The following SDK2 variants were observed in gnomAD, a reference collection of about 807,000 sequenced individuals.
SDK2 encodes sidekick cell adhesion molecule 2, also known as protein sidekick-2.
In SDK2, 105 loss-of-function variants were observed where a neutral mutation model predicts 253.9. The observed-to-expected ratio is 0.41, with a 90% confidence interval of 0.35 to 0.49. The LOEUF (loss-of-function observed/expected upper bound fraction) is 0.49, where lower values mean the gene tolerates loss of function less well. SDK2 is among the 20% of genes least tolerant of loss of function. The probability of loss-of-function intolerance (pLI) is 0.06; values close to 1 mark genes in which losing one functional copy is unlikely to be tolerated. For synonymous variants in SDK2, 1,249 were observed against 1,234.9 expected, an observed-to-expected ratio of 1.01 and a Z score of -0.24; for missense variants, 2,608 against 3,003.0, an observed-to-expected ratio of 0.87 and a Z score of 3.07.
intron 1 of SDK2, among the ~76,000 whole-genome samples, chr17:73,555,680 T>C (rs1173716975): frequency 1.3e-5 from 2 of 151,844 alleles, no homozygotes; most frequent in Non-Finnish European, 2.9e-5. Flanking sequence ...CAGGTGGGGG[T>C]AGAGGAAGTG....
At chr17:73,584,429 G>T (rs533600456) in intron 1 of SDK2, among the ~76,000 whole-genome samples, 1 of 152,196 alleles carries the variant, frequency 6.6e-6, no homozygotes, top group Non-Finnish European at 1.5e-5. Context: ...AGACCTGAGC[G>T]CCCTGATGCC....
At chr17:73,412,053 C>CGTATATGTATATATACGTATATAT (rs869089456) in intron 18 of SDK2, among the ~76,000 whole-genome samples, 1 of 45,616 alleles carries the variant, frequency 2.2e-5, no homozygotes, top group African/African-American at 5.8e-5. Flanking sequence ...TATGTATATA[C>CGTATATGTATATATACGTATATAT]GTATATGTAT....
At position 73,643,947 on chromosome 17, in the gene SDK2, G is replaced by T; in HGVS notation, c.64+78C>A. 8.8e-7 allele frequency: 1 copy of T among 1,140,470 alleles called. No individual in the cohort carries two copies. Among genetic ancestry groups the T allele is most frequent in the Non-Finnish European group, 1.3e-6 (1 of 782,610 alleles). The allele number at this position is 1,140,470 out of a possible 1,614,324, so 70.6% of individuals were successfully genotyped here. On this transcript the variant is annotated intron_variant, in intron 1 of 44. Coordinates refer to ENST00000392650, the MANE Select transcript of SDK2 (RefSeq NM_001144952.2). The surrounding 1 kb of genome is among the most constrained non-coding windows in gnomAD (Gnocchi z 6.9). ...CGGGTGTCCAGGAGGTCACCGTGAG[G>T]CCGGCCAGCTCCCGCCGCCCCTCCC... is the stretch of plus-strand genomic sequence containing the variant.
chr17:73,363,169 C>T (rs1346997570), intron 38 of SDK2, among the ~76,000 whole-genome samples: 5 of 152,150 alleles, frequency 3.3e-5, no homozygotes, highest in Admixed American at 2.0e-4. Flanking sequence ...CTGAAACCTC[C>T]GCCTCCTGGG....
chr17:73,505,988 A>C (rs1329212551), intron 2 of SDK2, among the ~76,000 whole-genome samples: 5 of 152,250 alleles, frequency 3.3e-5, no homozygotes, highest in Non-Finnish European at 7.3e-5. Flanking sequence ...CCAGAAGAGC[A>C]GCTCTGAACC....
intron 2 of SDK2, among the ~76,000 whole-genome samples, chr17:73,507,111 G>T (rs2063941845): frequency 6.6e-6 from 1 of 152,192 alleles, no homozygotes; most frequent in Non-Finnish European, 1.5e-5. Flanking sequence ...GAGTGAGCAG[G>T]GGGCCACAGT....
chr17:73,486,170 G>A (rs1029985039), intron 2 of SDK2, among the ~76,000 whole-genome samples: 19 of 152,188 alleles, frequency 1.2e-4, no homozygotes, highest in African/African-American at 4.6e-4. Context: ...TGGACAGGTG[G>A]AGAATGCAAA....
intron 1 of SDK2, among the ~76,000 whole-genome samples, chr17:73,552,197 C>T (rs1027498103): frequency 7.9e-5 from 12 of 152,274 alleles, no homozygotes; most frequent in Admixed American, 4.6e-4. Flanking sequence ...GCGAAACTCT[C>T]GTCTATAATT....
chr17:73,634,376 A>G (rs986871742), intron 1 of SDK2, among the ~76,000 whole-genome samples: 4 of 152,234 alleles, frequency 2.6e-5, no homozygotes, highest in African/African-American at 2.4e-5. Context: ...AAGTTACTTA[A>G]TATTTCTGAA....
In SDK2 at chr17:73,338,743, G is replaced by T; in HGVS notation, c.6363C>A (p.Thr2121=). ...DHTTVTNSTS[T]QQGSLFRPKA... is the part of the protein sequence containing the mutation. ...TGGGCCGAAAGAGGCTGCCCTGCTGGGTGCTGGTGCTGTTGGTGACGGTGG... is the reference window on the plus strand; with the variant it reads ...TGGGCCGAAAGAGGCTGCCCTGCTGTGTGCTGGTGCTGTTGGTGACGGTGG... The change falls in exon 45 of 45, where the codon ACC becomes ACA. Residue 2121 remains threonine (T), a synonymous_variant. Transcript: ENST00000392650. This position sits in a 1 kb window ranked among gnomAD's most constrained non-coding sequence, Gnocchi z 5.0. 6.2e-7 allele frequency: 1 copy of T among 1,613,668 alleles called. No homozygotes were observed. The highest frequency in any genetic ancestry group is 8.5e-7 in the Non-Finnish European group (1 of 1,179,776).
Position 73,424,037 on chromosome 17 carries a change from G to A in SDK2, c.1639C>T (p.Arg547Cys), listed in dbSNP as rs748708401. 3.6e-5 allele frequency: 58 copies of A among 1,612,714 alleles called. No individual in the cohort carries two copies. The highest frequency in any genetic ancestry group is 4.3e-5 in the Non-Finnish European group (51 of 1,179,618). Reference protein sequence around the residue: ...TLGTESHPRIRLDRNGSLHIS... With the variant: ...TLGTESHPRICLDRNGSLHIS... ...TGCAGGGAGCCGTTTCTGTCCAGGCGGATACGAGGATGGCTCTCCGTGCCC... is the reference window on the plus strand; with the variant it reads ...TGCAGGGAGCCGTTTCTGTCCAGGCAGATACGAGGATGGCTCTCCGTGCCC... Residue 547 changes from arginine to cysteine, a missense_variant, in exon 13 of 45, where the codon CGC (arginine) becomes TGC (cysteine). Around this residue, in one of 2 missense-constraint regions of SDK2, gnomAD observed 1,505 missense variants for 1,859.1 expected, o/e 0.81. Transcript: ENST00000392650.
chr17:73,643,897 G>A lies in SDK2; in HGVS notation c.64+128C>T. On this transcript the variant is annotated intron_variant, in intron 1 of 44. Coordinates refer to ENST00000392650, the MANE Select transcript of SDK2 (RefSeq NM_001144952.2). This position sits in a 1 kb window ranked among gnomAD's most constrained non-coding sequence, Gnocchi z 6.9. The stretch of plus-strand genomic sequence containing the variant: ...GAGATGGGGTGTCTTGAAACTCCCT[G>A]GAGAGGGCTCTGCCACGGCTAAGCC... The A allele has an allele frequency of 1.2e-6, 1 of 801,644 alleles. No homozygotes were observed. Among genetic ancestry groups the A allele is most frequent in the Non-Finnish European group, 2.0e-6 (1 of 493,708 alleles). 49.7% of individuals were successfully genotyped at this position (801,644 alleles called of 1,614,324 possible). A position where few individuals can be genotyped will look rare whatever the true frequency, so the allele number is the denominator to read the frequency against.
rs572675021 is a variant in SDK2, at chr17:73,412,385, A to T, written c.2484+2259T>A. ...ACTCCCAACCTCAGGTAATCCACCC[A>T]CCTCAGACTCCCAAAGTACAAGGAT... On this transcript the variant is annotated intron_variant, in intron 18 of 44. Coordinates refer to ENST00000392650, the MANE Select transcript of SDK2 (RefSeq NM_001144952.2). 2.0e-5 allele frequency among the ~76,000 whole-genome samples: 3 copies of T among 150,376 alleles called. No homozygotes were observed. The South Asian group carries it at 6.4e-4, about 32-fold the overall frequency.
chr17:73,643,957 T>TCCCCCCCCCC lies in SDK2; in HGVS notation c.64+67_64+68insGGGGGGGGGG. 2 of 1,019,996 alleles carry TCCCCCCCCCC rather than the reference T, an allele frequency of 2.0e-6. No individual in the cohort carries two copies. The highest frequency in any genetic ancestry group is 3.0e-6 in the Non-Finnish European group (2 of 674,880). The allele number at this position is 1,019,996 out of a possible 1,614,324, so 63.2% of individuals were successfully genotyped here. A position where few individuals can be genotyped will look rare whatever the true frequency, so the allele number is the denominator to read the frequency against. ...GGAGGTCACCGTGAGGCCGGCCAGC[T>TCCCCCCCCCC]CCCGCCGCCCCTCCCCCGCCCACTC... On this transcript the variant is annotated intron_variant, in intron 1 of 44. Transcript: ENST00000392650. This position sits in a 1 kb window ranked among gnomAD's most constrained non-coding sequence, Gnocchi z 6.9.
At chr17:73,398,789 C>T (rs1377850191) in intron 22 of SDK2, among the ~76,000 whole-genome samples, 4 of 152,270 alleles carry the variant, frequency 2.6e-5, no homozygotes, top group Middle Eastern at 3.4e-3. Context: ...TTCCAGAGAC[C>T]CAGGCTGCCC....
At chr17:73,362,458 A>G (rs1298496825) in intron 38 of SDK2, among the ~76,000 whole-genome samples, 55 of 149,792 alleles carry the variant, frequency 3.7e-4, no homozygotes, top group Admixed American at 3.7e-3. Context: ...AGGCACAATC[A>G]TGGCTCACTG....
intron 1 of SDK2, among the ~76,000 whole-genome samples, chr17:73,602,472 G>A (rs757234068): frequency 5.3e-5 from 8 of 151,106 alleles, no homozygotes; most frequent in Non-Finnish European, 8.8e-5. Flanking sequence ...CGGCTGCCTG[G>A]CAGACACTAA....
chr17:73,338,643 TG>T lies in SDK2; in HGVS notation c.6462del (p.Ser2155AlafsTer11), dbSNP rs1176002935. On this transcript the variant is annotated frameshift_variant, in exon 45 of 45. Coordinates refer to ENST00000392650, the MANE Select transcript of SDK2 (RefSeq NM_001144952.2). LOFTEE classifies it high-confidence loss of function. The surrounding 1 kb of genome is among the most constrained non-coding windows in gnomAD (Gnocchi z 5.0). ...GCCCGGGAGCCTGGGGCCAGGCTGC[TG>T]GGGGGACGGTAGAGGGTGCTCTGCT... ...PSQQSTLYRPPSSLAPGSRAP... is the reference protein window; with the variant it reads ...PSQQSTLYRPXSSLAPGSRAP... 1.9e-6 allele frequency: 3 copies of T among 1,542,896 alleles called. No individual in the cohort carries two copies. Among genetic ancestry groups the T allele is most frequent in the Non-Finnish European group, 8.7e-7 (1 of 1,148,600 alleles).
intron 1 of SDK2, among the ~76,000 whole-genome samples, chr17:73,633,007 G>A (rs564979674): frequency 1.5e-4 from 23 of 152,188 alleles, no homozygotes; most frequent in Non-Finnish European, 2.9e-4. Flanking sequence ...AATAGGCTGG[G>A]TGTGGTGGCT....
Sources: gnomAD v4.1 joint callset for allele counts (sites outside exome capture counted in the v4.1 genomes callset) on GRCh38, gnomAD v4.1.1 for gene constraint, gnomAD v4.1.1 regional missense constraint, Gnocchi (gnomAD v3.1) non-coding constraint, MANE v1.5 for transcripts, NCBI Gene and HGNC (gene_info 2026-07-23, HGNC 2026-07-21) for gene names.